Variants in CDH18 observed in about 807,000 individuals in gnomAD.
CDH18 encodes cadherin-18.
In CDH18, 31 loss-of-function variants were observed where a neutral mutation model predicts 67.9. The ratio of observed to expected loss-of-function variants is 0.46; its 90% CI spans 0.34 to 0.62. The LOEUF is 0.62. Ranked by LOEUF, CDH18 falls within the 20% of genes least tolerant of loss-of-function variation. The pLI, the probability that CDH18 is intolerant of heterozygous loss-of-function variation, is 0.01. For synonymous variants in CDH18, 362 were observed against 347.2 expected (o/e 1.04, Z -0.48); for missense variants, 890 against 975.5 (o/e 0.91, Z 1.17).
intron 3 of CDH18, among the ~76,000 whole-genome samples, chr5:19,775,351 G>T (rs1774234963): frequency 6.6e-6 from 1 of 152,020 alleles, no homozygotes; most frequent in Non-Finnish European, 1.5e-5. Context: ...TATAGGAAAA[G>T]ATATTTAATC....
intron 2 of CDH18, among the ~76,000 whole-genome samples, chr5:20,102,474 C>T (rs1262113653): frequency 6.6e-6 from 1 of 152,066 alleles, no homozygotes; most frequent in Non-Finnish European, 1.5e-5. Flanking sequence ...GTAACATGTG[C>T]TATAGGTTGG....
intron 2 of CDH18, among the ~76,000 whole-genome samples, chr5:20,195,028 A>C (rs1309241277): frequency 1.3e-5 from 2 of 152,114 alleles, no homozygotes; most frequent in Admixed American, 6.5e-5. Context: ...ACTATATTTT[A>C]TAATGGAAAA....
At chr5:20,350,793 A>G (rs906847033) in intron 1 of CDH18, among the ~76,000 whole-genome samples, 2 of 152,174 alleles carry the variant, frequency 1.3e-5, no homozygotes, top group Non-Finnish European at 2.9e-5. Context: ...GAGGAAGAGG[A>G]AGAATGAATA....
chr5:20,210,741 G>A (rs1010927517), intron 2 of CDH18, among the ~76,000 whole-genome samples: 5 of 151,650 alleles, frequency 3.3e-5, no homozygotes, highest in Non-Finnish European at 5.9e-5. Flanking sequence ...AAAATATCTG[G>A]CCTTTGGACA....
intron 3 of CDH18, among the ~76,000 whole-genome samples, chr5:19,793,303 A>G (rs898907106): frequency 2.0e-5 from 3 of 152,158 alleles, no homozygotes; most frequent in Non-Finnish European, 4.4e-5. Flanking sequence ...ACCAGTAATT[A>G]ACATTTTTCT....
chr5:19,723,210 A>C (rs994868685), intron 4 of CDH18, among the ~76,000 whole-genome samples: 4 of 152,120 alleles, frequency 2.6e-5, no homozygotes, highest in African/African-American at 9.7e-5. Context: ...TGGAGGCTGC[A>C]GTGAGCCGAG....
intron 2 of CDH18, among the ~76,000 whole-genome samples, chr5:20,200,137 C>T (rs1739330995): frequency 6.6e-6 from 1 of 152,190 alleles, no homozygotes; most frequent in South Asian, 2.1e-4. Flanking sequence ...TTATTTCAGA[C>T]ATACAGACTC....
intron 5 of CDH18, among the ~76,000 whole-genome samples, chr5:19,665,156 ATATT>A (rs1757733030): frequency 6.6e-6 from 1 of 152,050 alleles, no homozygotes; most frequent in South Asian, 2.1e-4. Flanking sequence ...TGATTACTAT[ATATT>A]TAACATTATG....
chr5:19,556,000 G>T (rs1738343671), intron 8 of CDH18, among the ~76,000 whole-genome samples: 1 of 152,128 alleles, frequency 6.6e-6, no homozygotes, highest in East Asian at 1.9e-4. Flanking sequence ...GCTCCACTGG[G>T]TGGCTAGAGC....
chr5:19,638,846 C>T (rs1753557652), intron 5 of CDH18, among the ~76,000 whole-genome samples: 1 of 152,136 alleles, frequency 6.6e-6, no homozygotes, highest in Admixed American at 6.5e-5. Flanking sequence ...AGGGATTTCC[C>T]AGCCCACGAG....
At chr5:20,139,746 T>G (rs1398047647) in intron 2 of CDH18, among the ~76,000 whole-genome samples, 1 of 151,996 alleles carries the variant, frequency 6.6e-6, no homozygotes, top group African/African-American at 2.4e-5. Context: ...ATCAGAGAAA[T>G]GCAAATCAAA....
chr5:19,548,091 A>G lies in CDH18; in HGVS notation c.1254-4086T>C, dbSNP rs554820927. ...CTATTCTCAGTAAATTACTTTTCAAATAATTTTTATAATAAAATCTGTTTC... is the reference window on the plus strand; with the variant it reads ...CTATTCTCAGTAAATTACTTTTCAAGTAATTTTTATAATAAAATCTGTTTC... On this transcript the variant is annotated intron_variant, in intron 8 of 12. Transcript: ENST00000382275. Among the ~76,000 whole-genome samples the G allele has an allele frequency of 2.6e-5, 4 of 152,304 alleles. No homozygotes were observed. The East Asian group carries it at 7.7e-4, about 29-fold the overall frequency.
chr5:20,547,017 G>C (rs1757380767), intron 1 of CDH18, among the ~76,000 whole-genome samples: 1 of 152,002 alleles, frequency 6.6e-6, no homozygotes, highest in Non-Finnish European at 1.5e-5. Flanking sequence ...TACACACGCT[G>C]TCTATCAAAA....
chr5:20,357,756 C>A (rs1741751257), intron 1 of CDH18, among the ~76,000 whole-genome samples: 1 of 152,056 alleles, frequency 6.6e-6, no homozygotes, highest in Admixed American at 6.6e-5. Context: ...TTGGAGATTT[C>A]TCAAATAACA....
At chr5:20,435,475 G>A (rs1277270263) in intron 1 of CDH18, among the ~76,000 whole-genome samples, 19 of 152,006 alleles carry the variant, frequency 1.2e-4, no homozygotes, top group Admixed American at 1.2e-3. Context: ...CCTCAGGCCT[G>A]CAAACCCCTC....
At chr5:19,586,514 A>G (rs1262959516) in intron 7 of CDH18, among the ~76,000 whole-genome samples, 1 of 152,152 alleles carries the variant, frequency 6.6e-6, no homozygotes, top group Non-Finnish European at 1.5e-5. Context: ...AACTCTGTCT[A>G]TGTCCCTACA....
chr5:19,698,239 G>GT (rs1217515003), intron 5 of CDH18, among the ~76,000 whole-genome samples: 1 of 152,080 alleles, frequency 6.6e-6, no homozygotes, highest in East Asian at 1.9e-4. Flanking sequence ...AGATATGGAA[G>GT]TTTTTTTAAA....
intron 1 of CDH18, among the ~76,000 whole-genome samples, chr5:20,523,763 C>T (rs1033320802): frequency 1.3e-5 from 2 of 152,174 alleles, no homozygotes; most frequent in Non-Finnish European, 2.9e-5. Flanking sequence ...TGGTCTCGAA[C>T]TCCTGACCTC....
In CDH18 at chr5:20,427,134, T is replaced by C. The variant is rs997197530; in HGVS notation, c.-580+148328A>G. On this transcript the variant is annotated intron_variant, in intron 1 of 14. Coordinates refer to the CDH18 transcript ENST00000507958. ...TATTTTTATTTGATATTTGATATAT[T>C]ACATTTCGTTTAATATTCTACTTTA... Among the ~76,000 whole-genome samples, 21 of 151,320 alleles carry C rather than the reference T, an allele frequency of 1.4e-4. 1 individual carries two copies. Among genetic ancestry groups the C allele is most frequent in the African/African-American group, 4.2e-4 (17 of 40,658 alleles).
Sources: allele counts gnomAD v4.1 joint callset (sites outside exome capture counted in the v4.1 genomes callset), GRCh38; gene constraint gnomAD v4.1.1; transcripts MANE v1.5; gene names NCBI Gene and HGNC (gene_info 2026-07-23, HGNC 2026-07-21).